Variants in PSMC6 observed in about 807,000 individuals in gnomAD.
The protein encoded by PSMC6 is proteasome 26S subunit, ATPase 6.
PSMC6 carries 3 observed loss-of-function variants against 55.9 expected under a neutral mutation model. The ratio of observed to expected loss-of-function variants is 0.05; its 90% confidence interval spans 0.02 to 0.14. The LOEUF (loss-of-function observed/expected upper bound fraction) is 0.14, where lower values mean the gene tolerates loss of function less well. PSMC6 is among the 10% of genes least tolerant of loss of function. PSMC6 has a pLI of 1.00. For missense variants in PSMC6, 210 were observed against 478.7 expected, an observed-to-expected ratio of 0.44 and a Z score of 5.24; for synonymous variants, 137 against 155.9, an observed-to-expected ratio of 0.88 and a Z score of 0.90.
At chr14:52,711,309 A>T (rs182659871) in intron 5 of PSMC6, 101 bp from the exon 6 acceptor site, 112 of 1,273,958 alleles carry the variant, frequency 8.8e-5, no homozygotes, top group Middle Eastern at 8.2e-4. Context: ...TCTTTATGAG[A>T]TCAGCTACAG....
rs35579887 is a variant in PSMC6 at position 52,715,619 on chromosome 14, CT to C, written c.529+1665del. 7.4e-3 allele frequency among the ~76,000 whole-genome samples: 1,038 copies of C among 140,894 alleles called. 9 individuals are homozygous for C. The highest frequency in any genetic ancestry group is 0.022 in the African/African-American group (861 of 38,740). 92.4% of individuals were successfully genotyped at this position (140,894 alleles called of 152,430 possible). On this transcript the variant is annotated intron_variant, in intron 7 of 13. Coordinates refer to ENST00000445930, the MANE Select transcript of PSMC6 (RefSeq NM_002806.5). ...GCTTTTTCTTTTTTTCTTTTCTTTT[CT>C]TTTTTTTTTTTTTGATAAGGTGTTA...
At chr14:52,707,426 G>A (rs993872943) in intron 1 of PSMC6, 122 bp downstream of exon 1, 2 of 1,342,136 alleles carry the variant, frequency 1.5e-6, no homozygotes, top group Non-Finnish European at 2.0e-6. Context: ...TAGGGCCAGG[G>A]ACAAGGCGCT....
chr14:52,709,308 C>T (rs2041739212), intron 4 of PSMC6, among the ~76,000 whole-genome samples: 1 of 152,132 alleles, frequency 6.6e-6, no homozygotes, highest in Admixed American at 6.5e-5. Context: ...TCAAGTCATT[C>T]AGTAGTGTCT....
chr14:52,726,313 A>G (rs1331189499), intron 13 of PSMC6, among the ~76,000 whole-genome samples: 3 of 152,228 alleles, frequency 2.0e-5, no homozygotes, highest in Non-Finnish European at 4.4e-5. Context: ...GTGATACTCA[A>G]ATATGAATCA....
Position 52,727,622 on chromosome 14 carries a change from C to T in PSMC6, c.*5C>T, listed in dbSNP as rs780839658. 6.3e-7 allele frequency: 1 copy of T among 1,590,962 alleles called. No homozygotes were observed. The highest frequency in any genetic ancestry group is 8.6e-7 in the Non-Finnish European group (1 of 1,161,952). On this transcript the variant is annotated 3_prime_UTR_variant, in exon 14 of 14. Transcript: ENST00000445930. Reference sequence around the variant, plus strand: ...TTGGACTACAAACCTGTGTAATTTACTGTAAGATTTTTGATGGCTGCATGA... The same window carrying T: ...TTGGACTACAAACCTGTGTAATTTATTGTAAGATTTTTGATGGCTGCATGA...
Position 52,718,282 on chromosome 14 carries a change from C to T in PSMC6, c.645C>T (p.Ile215=), listed in dbSNP as rs369964973. 8.7e-6 allele frequency: 14 copies of T among 1,612,494 alleles called. No individual in the cohort carries two copies. The African/African-American group carries it at 1.3e-4, about 15-fold the overall frequency. The change falls in exon 9 of 14, where the codon ATC becomes ATT. Residue 215 remains isoleucine (I), a synonymous_variant. Transcript: ENST00000445930. The part of the protein sequence containing the change: ...DKYIGESARL[I]REMFNYARDH... ...ACATTGGTGAAAGTGCTCGTTTGATCAGAGAAATGTTTAATTATGCTAGAG... is the reference window on the plus strand; with the variant it reads ...ACATTGGTGAAAGTGCTCGTTTGATTAGAGAAATGTTTAATTATGCTAGAG...
chr14:52,711,363 G>T, intron 5 of PSMC6, 47 bp from the exon 6 acceptor site: 2 of 1,485,906 alleles, frequency 1.3e-6, no homozygotes, highest in South Asian at 2.3e-5. Flanking sequence ...TGTAGGCTAA[G>T]AGAAAATATA....
At chr14:52,711,261 G>A in intron 5 of PSMC6, 93 bp downstream of exon 5, 1 of 1,381,644 alleles carries the variant, frequency 7.2e-7, no homozygotes, top group Non-Finnish European at 1.0e-6. Flanking sequence ...TGAATATTTT[G>A]GCACTTTTTC....
At chr14:52,716,668 A>G (rs1245078253) in intron 7 of PSMC6, among the ~76,000 whole-genome samples, 6 of 152,002 alleles carry the variant, frequency 3.9e-5, no homozygotes, top group Non-Finnish European at 8.8e-5. Context: ...CAGGAGAATC[A>G]CTTGAACCTG....
chr14:52,726,400 G>A lies in PSMC6; in HGVS notation c.1052-1099G>A, dbSNP rs904381333. Reference sequence around the variant, plus strand: ...ATGACTCCGAGTTTTGCTAAAACCCGCTGTTGGCTTTCTATATGATTCCCT... The same window carrying A: ...ATGACTCCGAGTTTTGCTAAAACCCACTGTTGGCTTTCTATATGATTCCCT... On this transcript the variant is annotated intron_variant, in intron 13 of 13. Transcript: ENST00000445930. Among the ~76,000 whole-genome samples, 4 of 152,216 alleles carry A rather than the reference G, an allele frequency of 2.6e-5. No individual in the cohort carries two copies. In the East Asian group the frequency reaches 7.7e-4, roughly 29 times the overall value.
rs1462329380 is a variant in PSMC6, at chr14:52,728,490, T to G, written c.*873T>G. ...GTATGGATACCTGGCTAAGAGTGTA[T>G]GATGTAGGGGATGTAGGAGTGTCAG... On this transcript the variant is annotated 3_prime_UTR_variant, in exon 14 of 14. Coordinates refer to ENST00000445930, the MANE Select transcript of PSMC6 (RefSeq NM_002806.5). 1 of 152,192 alleles carries G rather than the reference T, an allele frequency of 6.6e-6. No individual in the cohort carries two copies. The highest frequency in any genetic ancestry group is 2.4e-5 in the African/African-American group (1 of 41,436). 9.4% of individuals were successfully genotyped at this position (152,192 alleles called of 1,614,324 possible). A position where few individuals can be genotyped will look rare whatever the true frequency, so the allele number is the denominator to read the frequency against.
At chr14:52,712,098 T>A (rs1430383051) in intron 6 of PSMC6, among the ~76,000 whole-genome samples, 1 of 152,240 alleles carries the variant, frequency 6.6e-6, no homozygotes, top group East Asian at 1.9e-4. Flanking sequence ...CAAATTACAT[T>A]GTCCTATGGA....
In PSMC6 at chr14:52,727,710, C is replaced by G. The variant is rs1880479270; in HGVS notation, c.*93C>G. The G allele has an allele frequency of 4.2e-6, 3 of 708,124 alleles. No homozygotes were observed. The highest frequency in any genetic ancestry group is 5.2e-5 in the Admixed American group (2 of 38,678). 43.9% of individuals were successfully genotyped at this position (708,124 alleles called of 1,614,324 possible). Reference sequence around the variant, plus strand: ...ATAATGTATGTATTGGTAATGATGTCATTAAAAGTATATGAATAAAAATAT... The same window carrying G: ...ATAATGTATGTATTGGTAATGATGTGATTAAAAGTATATGAATAAAAATAT... On this transcript the variant is annotated 3_prime_UTR_variant, in exon 14 of 14. Coordinates refer to ENST00000445930, the MANE Select transcript of PSMC6 (RefSeq NM_002806.5).
chr14:52,724,584 T>C (rs563793784), intron 13 of PSMC6, among the ~76,000 whole-genome samples: 2 of 152,304 alleles, frequency 1.3e-5, no homozygotes, highest in African/African-American at 4.8e-5. Flanking sequence ...GTGAGCAGTG[T>C]TTTGAAAGAT....
Position 52,708,795 on chromosome 14 carries a change from T to C in PSMC6, c.237T>C (p.Tyr79=), listed in dbSNP as rs1246529444. The C allele has an allele frequency of 6.2e-7, 1 of 1,613,610 alleles. No homozygotes were observed. The highest frequency in any genetic ancestry group is 8.5e-7 in the Non-Finnish European group (1 of 1,179,756). Residue 79 remains tyrosine, a synonymous_variant, in exon 4 of 14, where the codon TAT becomes TAC. Coordinates refer to ENST00000445930, the MANE Select transcript of PSMC6 (RefSeq NM_002806.5). The part of the protein sequence containing the change: ...FIVKATNGPR[Y]VVGCRRQLDK... ...TTAAAGCTACCAATGGACCAAGATA[T>C]GTTGTGGGTTGTCGTCGACAGGTAA... is the stretch of plus-strand genomic sequence containing the variant.
At chr14:52,720,809 A>AT (rs974545345) in intron 10 of PSMC6, 52 bp from the exon 11 acceptor site, 282 of 1,441,690 alleles carry the variant, frequency 2.0e-4, no homozygotes, top group South Asian at 2.5e-4. Context: ...GGTGTGTGCT[A>AT]TTTTTTTTAA....
chr14:52,711,364 A>G lies in PSMC6; in HGVS notation c.327-46A>G, dbSNP rs774588331. ...ATTTATATGCTATCTGTAGGCTAAG[A>G]GAAAATATATCTTTCAAAAGAAAAA... On this transcript the variant is annotated intron_variant, in intron 5 of 13. Coordinates refer to ENST00000445930, the MANE Select transcript of PSMC6 (RefSeq NM_002806.5). The G allele has an allele frequency of 1.7e-5, 26 of 1,489,940 alleles. No individual in the cohort carries two copies. The African/African-American group carries it at 3.2e-4, about 18-fold the overall frequency. The allele number at this position is 1,489,940 out of a possible 1,614,324, so 92.3% of individuals were successfully genotyped here. A position where few individuals can be genotyped will look rare whatever the true frequency, so the allele number is the denominator to read the frequency against.
intron 13 of PSMC6, among the ~76,000 whole-genome samples, chr14:52,726,641 T>G (rs1401839016): frequency 1.3e-5 from 2 of 152,106 alleles, no homozygotes; most frequent in South Asian, 2.1e-4. Flanking sequence ...AGCCTGATTT[T>G]ATTTTATTTT....
intron 1 of PSMC6, 149 bp downstream of exon 1, chr14:52,707,453 A>G: frequency 9.7e-7 from 1 of 1,035,246 alleles, no homozygotes; most frequent in Non-Finnish European, 1.4e-6. Flanking sequence ...TCCGGCCCTG[A>G]GCTTGTGGAG....
Sources: allele counts gnomAD v4.1 joint callset (sites outside exome capture counted in the v4.1 genomes callset), GRCh38; gene constraint gnomAD v4.1.1; transcripts MANE v1.5; gene names NCBI Gene and HGNC (gene_info 2026-07-23, HGNC 2026-07-21).